MINDY3: variants seen among roughly 807,000 people sequenced by gnomAD.
MINDY3 encodes ubiquitin carboxyl-terminal hydrolase MINDY-3.
MINDY3 carries 38 observed loss-of-function variants against 69.2 expected under a neutral mutation model. That is an observed-to-expected ratio of 0.55 (90% confidence interval 0.42 to 0.72). The LOEUF is 0.72. MINDY3 is among the 30% of genes least tolerant of loss of function. The pLI is 0.00. For missense variants in MINDY3, 522 were observed against 519.0 expected (o/e 1.01, Z -0.06); for synonymous variants, 192 against 180.1 (o/e 1.07, Z -0.53).
chr10:15,815,019 T>C (rs1839260053), intron 10 of MINDY3, among the ~76,000 whole-genome samples: 1 of 152,238 alleles, frequency 6.6e-6, no homozygotes, highest in Admixed American at 6.5e-5. Context: ...TGTCATCTTT[T>C]ATATTCAACA....
chr10:15,820,487 T>A (rs1264071807), intron 9 of MINDY3, among the ~76,000 whole-genome samples: 1 of 152,052 alleles, frequency 6.6e-6, no homozygotes, highest in African/African-American at 2.4e-5. Context: ...TTCTTTAGGA[T>A]CTACGAATGT....
At chr10:15,782,819 C>A (rs1836649213) in intron 13 of MINDY3, among the ~76,000 whole-genome samples, 1 of 152,116 alleles carries the variant, frequency 6.6e-6, no homozygotes. Flanking sequence ...GAAAGGATAT[C>A]CTATATATCA....
intron 1 of MINDY3, among the ~76,000 whole-genome samples, chr10:15,858,344 A>G (rs1812839089): frequency 6.6e-6 from 1 of 152,226 alleles, no homozygotes. Context: ...AGAGCGTTCT[A>G]ATAAGTCATT....
intron 10 of MINDY3, among the ~76,000 whole-genome samples, chr10:15,799,651 AG>A (rs1220459467): frequency 6.6e-6 from 1 of 152,178 alleles, no homozygotes; most frequent in Non-Finnish European, 1.5e-5. Context: ...GAATCAGGAA[AG>A]GCAGGGAGAT....
At chr10:15,845,271 G>A (rs1833749009) in intron 2 of MINDY3, among the ~76,000 whole-genome samples, 1 of 151,468 alleles carries the variant, frequency 6.6e-6, no homozygotes, top group Admixed American at 6.6e-5. Context: ...TATTCCTGGT[G>A]TGACAAATTC....
At chr10:15,821,425 C>T (rs1839751641) in intron 9 of MINDY3, among the ~76,000 whole-genome samples, 1 of 151,934 alleles carries the variant, frequency 6.6e-6, no homozygotes, top group African/African-American at 2.4e-5. Context: ...TGGGTTCTGC[C>T]CCTCCTCCGA....
chr10:15,834,355 T>C (rs1047640138), intron 7 of MINDY3, among the ~76,000 whole-genome samples, 188 bp downstream of exon 7: 4 of 152,024 alleles, frequency 2.6e-5, no homozygotes, highest in African/African-American at 9.7e-5. Flanking sequence ...AATGCATACA[T>C]AAAATGAAAT....
At chr10:15,833,070 C>T (rs558936035) in intron 8 of MINDY3, among the ~76,000 whole-genome samples, 10 of 152,222 alleles carry the variant, frequency 6.6e-5, no homozygotes, top group Admixed American at 3.3e-4. Context: ...CTCTCCTTAA[C>T]GGAATGGATT....
chr10:15,816,977 T>G (rs996828268), intron 9 of MINDY3, 62 bp from the exon 10 acceptor site: 1 of 1,239,574 alleles, frequency 8.1e-7, no homozygotes, highest in Non-Finnish European at 1.2e-6. Flanking sequence ...TGCCTCTTAT[T>G]TGCCCATAAA....
At chr10:15,811,918 A>C (rs548276459) in intron 10 of MINDY3, among the ~76,000 whole-genome samples, 1 of 151,844 alleles carries the variant, frequency 6.6e-6, no homozygotes, top group African/African-American at 2.4e-5. Flanking sequence ...ATAATGCTTA[A>C]TTTTTCATTT....
intron 9 of MINDY3, among the ~76,000 whole-genome samples, chr10:15,820,972 G>T (rs1337025221): frequency 2.6e-5 from 4 of 152,122 alleles, no homozygotes; most frequent in Admixed American, 6.6e-5. Flanking sequence ...TAATGAAAAA[G>T]AAAACTAGAT....
intron 10 of MINDY3, among the ~76,000 whole-genome samples, chr10:15,805,086 T>G (rs1179743336): frequency 1.3e-5 from 2 of 152,138 alleles, no homozygotes; most frequent in East Asian, 3.9e-4. Flanking sequence ...TGTCATCTAC[T>G]CTTGTGCCAT....
intron 10 of MINDY3, among the ~76,000 whole-genome samples, chr10:15,811,326 T>A (rs1227423126): frequency 6.6e-6 from 1 of 152,168 alleles, no homozygotes; most frequent in African/African-American, 2.4e-5. Flanking sequence ...ATTTAATCGC[T>A]GAGACCTTAG....
chr10:15,826,744 C>CATGTAAAT (rs1164568831), intron 8 of MINDY3, among the ~76,000 whole-genome samples: 1 of 152,074 alleles, frequency 6.6e-6, no homozygotes, highest in African/African-American at 2.4e-5. Flanking sequence ...AGAATAAAAA[C>CATGTAAAT]ATGTAAATAT....
chr10:15,781,347 A>G lies in MINDY3; in HGVS notation c.1188+808T>C, dbSNP rs138527566. Among the ~76,000 whole-genome samples the G allele has an allele frequency of 2.4e-3, 367 of 150,566 alleles. 3 individuals carry two copies. The highest frequency in any genetic ancestry group is 8.1e-3 in the African/African-American group (336 of 41,248). Reference sequence around the variant, plus strand: ...AGTCAGCATGGGCAGATCAAATTAAAAAGGAATGTTAGACCTTATTCCTTT... The same window carrying G: ...AGTCAGCATGGGCAGATCAAATTAAGAAGGAATGTTAGACCTTATTCCTTT... On this transcript the variant is annotated intron_variant, in intron 14 of 14. Transcript: ENST00000277632.
At chr10:15,819,145 T>C (rs1282750225) in intron 9 of MINDY3, among the ~76,000 whole-genome samples, 2 of 152,126 alleles carry the variant, frequency 1.3e-5, no homozygotes, top group African/African-American at 4.8e-5. Context: ...ATAATCAAAA[T>C]GATATTGCAA....
chr10:15,797,299 G>T (rs571129166), intron 10 of MINDY3, among the ~76,000 whole-genome samples: 2 of 151,982 alleles, frequency 1.3e-5, no homozygotes, highest in East Asian at 3.9e-4. Context: ...TACAGTAAAA[G>T]GTAAAGCAAC....
intron 10 of MINDY3, among the ~76,000 whole-genome samples, chr10:15,800,624 C>A (rs761474455): frequency 2.6e-5 from 4 of 151,932 alleles, no homozygotes; most frequent in Non-Finnish European, 4.4e-5. Context: ...ATATGAAGTG[C>A]CACTAGTGAT....
At chr10:15,828,229 G>C (rs547277956) in intron 8 of MINDY3, among the ~76,000 whole-genome samples, 1 of 152,300 alleles carries the variant, frequency 6.6e-6, no homozygotes, top group Non-Finnish European at 1.5e-5. Flanking sequence ...GCAATGGTAT[G>C]TTATTCATCA....
Sources: gnomAD v4.1 joint callset for allele counts (sites outside exome capture counted in the v4.1 genomes callset) on GRCh38, gnomAD v4.1.1 for gene constraint, MANE v1.5 for transcripts, NCBI Gene and HGNC (gene_info 2026-07-23, HGNC 2026-07-21) for gene names.